Variants in LARS2 observed in about 807,000 individuals in gnomAD.
The protein encoded by LARS2 is leucine--tRNA ligase, mitochondrial.
Under a neutral mutation model 116.6 loss-of-function variants are expected in LARS2, and 81 were observed. That is an observed-to-expected ratio of 0.69 (90% CI 0.58 to 0.84). LARS2 has a LOEUF of 0.84. Ranked by LOEUF, LARS2 falls within the 40% of genes least tolerant of loss-of-function variation. LARS2 has a pLI of 0.00. For missense variants in LARS2, 968 were observed against 1,114.5 expected, an observed-to-expected ratio of 0.87 and a Z score of 1.87; for synonymous variants, 396 against 407.2, an observed-to-expected ratio of 0.97 and a Z score of 0.33.
chr3:45,488,925 G>C, intron 12 of LARS2, 113 bp downstream of exon 12: 1 of 746,594 alleles, frequency 1.3e-6, no homozygotes, highest in Non-Finnish European at 2.5e-6. Context: ...ATACCTAACA[G>C]CCTTGTGGCC....
At chr3:45,476,339 TGG>T in intron 9 of LARS2, 127 bp from the exon 10 acceptor site, 1 of 947,526 alleles carries the variant, frequency 1.1e-6, no homozygotes, top group Non-Finnish European at 1.7e-6. Flanking sequence ...CCCACACCCC[TGG>T]CCCAGTGGTC....
chr3:45,514,853 G>A (rs973844766), intron 16 of LARS2, among the ~76,000 whole-genome samples: 2 of 152,250 alleles, frequency 1.3e-5, no homozygotes, highest in African/African-American at 2.4e-5. Flanking sequence ...TCACCACAGC[G>A]TGGATAAACA....
intron 12 of LARS2, among the ~76,000 whole-genome samples, chr3:45,489,841 G>A (rs972069764): frequency 3.3e-5 from 5 of 152,136 alleles, no homozygotes; most frequent in African/African-American, 1.2e-4. Context: ...AGTGTTCAGA[G>A]CTCCCTAGTT....
chr3:45,489,089 G>A (rs1484637941), intron 12 of LARS2, among the ~76,000 whole-genome samples: 2 of 152,158 alleles, frequency 1.3e-5, no homozygotes, highest in Admixed American at 6.5e-5. Flanking sequence ...GGAATCTCTG[G>A]TTCCTTGGGA....
At chr3:45,426,970 A>T (rs543712015) in intron 6 of LARS2, among the ~76,000 whole-genome samples, 1 of 152,284 alleles carries the variant, frequency 6.6e-6, no homozygotes, top group South Asian at 2.1e-4. Flanking sequence ...TGGAGACCTC[A>T]GTTTTGGTGA....
intron 20 of LARS2, among the ~76,000 whole-genome samples, chr3:45,535,510 A>G (rs1211363536): frequency 2.0e-5 from 3 of 152,180 alleles, no homozygotes; most frequent in Non-Finnish European, 2.9e-5. Flanking sequence ...GAATATGCTG[A>G]TTGAAAGAAG....
At chr3:45,416,568 A>G (rs942513792) in intron 4 of LARS2, among the ~76,000 whole-genome samples, 1 of 152,190 alleles carries the variant, frequency 6.6e-6, no homozygotes, top group African/African-American at 2.4e-5. Context: ...GTTCTGCAGC[A>G]CTGTCCAGTG....
At chr3:45,497,295 G>A (rs1184401785) in intron 14 of LARS2, among the ~76,000 whole-genome samples, 1 of 148,254 alleles carries the variant, frequency 6.7e-6, no homozygotes, top group Non-Finnish European at 1.5e-5. Context: ...TTTGAACCCC[G>A]CCCCCCCCAA....
chr3:45,503,839 T>C (rs1700158970), intron 15 of LARS2, among the ~76,000 whole-genome samples: 1 of 152,102 alleles, frequency 6.6e-6, no homozygotes, highest in South Asian at 2.1e-4. Context: ...CTAAACCATT[T>C]TGTAACTACA....
chr3:45,525,180 G>T lies in LARS2; in HGVS notation c.2404+1072G>T, dbSNP rs544219878. ...CTAAGATGAGACTTATTTTTCCAGG[G>T]TCCCCTTTTTTACAGTATAAGTGTC... is the stretch of plus-strand genomic sequence containing the variant. On this transcript the variant is annotated intron_variant, in intron 20 of 21. Transcript: ENST00000645846. 2.9e-3 allele frequency among the ~76,000 whole-genome samples: 434 copies of T among 152,222 alleles called. 3 individuals are homozygous for T. Among genetic ancestry groups the T allele is most frequent in the African/African-American group, 9.8e-3 (409 of 41,548 alleles).
At chr3:45,546,777 AAG>A (rs1427057792) in intron 21 of LARS2, among the ~76,000 whole-genome samples, 2 of 152,218 alleles carry the variant, frequency 1.3e-5, no homozygotes, top group African/African-American at 2.4e-5. Context: ...TTAAGCGAGA[AAG>A]AGTGATTAAT....
chr3:45,456,012 G>A (rs905810253), intron 7 of LARS2, among the ~76,000 whole-genome samples: 36 of 152,184 alleles, frequency 2.4e-4, no homozygotes, highest in African/African-American at 8.2e-4. Flanking sequence ...GGTGGAGCAA[G>A]GGAATGGGAA....
Position 45,548,341 on chromosome 3 carries a change from C to A in LARS2, c.*811C>A, listed in dbSNP as rs1272565588. 1 of 152,290 alleles carries A rather than the reference C, an allele frequency of 6.6e-6. No homozygotes were observed. 9.4% of individuals were successfully genotyped at this position (152,290 alleles called of 1,614,324 possible). A position where few individuals can be genotyped will look rare whatever the true frequency, so the allele number is the denominator to read the frequency against. On this transcript the variant is annotated 3_prime_UTR_variant, in exon 22 of 22. Coordinates refer to ENST00000645846, the MANE Select transcript of LARS2 (RefSeq NM_015340.4). ...CAATTTGCTGTGTAGTGAAGTGGAA[C>A]CAGGCTCAGGCTGCTGGTCCCAACC...
chr3:45,493,627 G>C (rs1699962267), intron 13 of LARS2, among the ~76,000 whole-genome samples: 1 of 152,020 alleles, frequency 6.6e-6, no homozygotes, highest in Non-Finnish European at 1.5e-5. Flanking sequence ...GGGCTACTGG[G>C]GATTAAATGA....
chr3:45,415,704 C>T (rs192420447), intron 4 of LARS2, among the ~76,000 whole-genome samples: 38 of 151,784 alleles, frequency 2.5e-4, no homozygotes, highest in Non-Finnish European at 4.4e-4. Context: ...AAAAATTAGC[C>T]GGGTGTGGGG....
At chr3:45,521,790 C>G (rs1700459170) in intron 19 of LARS2, among the ~76,000 whole-genome samples, 1 of 151,844 alleles carries the variant, frequency 6.6e-6, no homozygotes, top group Non-Finnish European at 1.5e-5. Flanking sequence ...AAATACCTGT[C>G]AAATTTGCTG....
intron 7 of LARS2, among the ~76,000 whole-genome samples, chr3:45,451,450 TAAAG>T (rs1699126635): frequency 6.6e-6 from 1 of 152,172 alleles, no homozygotes; most frequent in Admixed American, 6.5e-5. Flanking sequence ...CAACATTTAT[TAAAG>T]AGACTGTCTT....
chr3:45,393,674 T>C (rs1697994687), intron 2 of LARS2, among the ~76,000 whole-genome samples: 1 of 151,598 alleles, frequency 6.6e-6, no homozygotes, highest in African/African-American at 2.4e-5. Context: ...GTGGTAGTCA[T>C]TAAATATTTG....
rs971302266 is a variant in LARS2, at chr3:45,408,070, G to GC, written c.363+7704dup. On this transcript the variant is annotated intron_variant, in intron 4 of 21. Coordinates refer to ENST00000645846, the MANE Select transcript of LARS2 (RefSeq NM_015340.4). Reference sequence around the variant, plus strand: ...CTTTGGGCACCCATTTCTACATAAGGCCCCCCCGTCCCCAGGCAATAACCT... The same window carrying GC: ...CTTTGGGCACCCATTTCTACATAAGGCCCCCCCCGTCCCCAGGCAATAACCT... Among the ~76,000 whole-genome samples, 30 of 151,914 alleles carry GC rather than the reference G, an allele frequency of 2.0e-4. 1 individual carries two copies. The highest frequency in any genetic ancestry group is 5.9e-5 in the Non-Finnish European group (4 of 67,968).
Sources: allele counts gnomAD v4.1 joint callset (sites outside exome capture counted in the v4.1 genomes callset), GRCh38; gene constraint gnomAD v4.1.1; transcripts MANE v1.5; gene names NCBI Gene and HGNC (gene_info 2026-07-23, HGNC 2026-07-21).